Variants in C1QTNF3 observed in about 807,000 individuals in gnomAD.
C1QTNF3 encodes the protein complement C1q tumor necrosis factor-related protein 3.
Under a neutral mutation model 32.6 loss-of-function variants are expected in C1QTNF3, and 26 were observed. That is an observed-to-expected ratio of 0.80 (90% CI 0.58 to 1.11). C1QTNF3 has a LOEUF of 1.11. C1QTNF3 is among the 50% of genes least tolerant of loss of function. The probability of loss-of-function intolerance (pLI) is 0.00; values close to 1 mark genes in which losing one functional copy is unlikely to be tolerated. For synonymous variants in C1QTNF3, 155 were observed against 146.0 expected (o/e 1.06, Z -0.44); for missense variants, 362 against 398.2 (o/e 0.91, Z 0.77).
rs1158009722 is a variant in C1QTNF3 at position 34,018,951 on chromosome 5, AC to A, written c.*1631del. Among the ~76,000 whole-genome samples, 1 of 152,070 alleles carries A rather than the reference AC, an allele frequency of 6.6e-6. No homozygotes were observed. Among genetic ancestry groups the A allele is most frequent in the Non-Finnish European group, 1.5e-5 (1 of 68,018 alleles). The stretch of plus-strand genomic sequence containing the variant: ...AGACCGGCCTGGTCAACATGGTGAA[AC>A]CCCATCTCTATTAGAAACATTAAAA... On this transcript the variant is annotated 3_prime_UTR_variant, in exon 6 of 6. Coordinates refer to ENST00000382065, the MANE Select transcript of C1QTNF3 (RefSeq NM_181435.6).
the C1QTNF3 span, chr5:34,167,842 G>T: frequency 6.6e-6 from 1 of 152,116 alleles, no homozygotes; most frequent in Non-Finnish European, 1.5e-5. Flanking sequence ...AAAAATGTAT[G>T]TTAACCTTGT....
the C1QTNF3 span, among the ~76,000 whole-genome samples, chr5:34,228,978 C>T: frequency 8.6e-5 from 13 of 150,992 alleles, no homozygotes; most frequent in African/African-American, 2.2e-4. Flanking sequence ...TTTTTAACAT[C>T]GATTCCTAAA....
the C1QTNF3 span, among the ~76,000 whole-genome samples, chr5:34,056,479 T>TATATATAGAGAGAG: frequency 3.9e-5 from 2 of 51,772 alleles, no homozygotes; most frequent in Admixed American, 2.8e-4. Flanking sequence ...TATATATATA[T>TATATATAGAGAGAG]AGAGAGAGAG....
the C1QTNF3 span, among the ~76,000 whole-genome samples, chr5:34,154,716 A>G: frequency 2.0e-5 from 3 of 152,152 alleles, no homozygotes; most frequent in African/African-American, 7.2e-5. Context: ...AATTTGTATC[A>G]TCTGGAAGTA....
chr5:34,034,497 T>A (rs1210595062), intron 2 of C1QTNF3, among the ~76,000 whole-genome samples: 3 of 152,220 alleles, frequency 2.0e-5, no homozygotes, highest in African/African-American at 7.2e-5. Context: ...AAGAGACAAT[T>A]TCTACACCTC....
At chr5:34,235,694 T>C in the C1QTNF3 span, among the ~76,000 whole-genome samples, 67 of 151,728 alleles carry the variant, frequency 4.4e-4, no homozygotes, top group African/African-American at 1.6e-3. Context: ...TAGATGGTAG[T>C]TTCAATAATT....
chr5:34,214,030 C>T, the C1QTNF3 span, among the ~76,000 whole-genome samples: 1,343 of 149,458 alleles, frequency 9.0e-3, 13 homozygotes, highest in Non-Finnish European at 9.3e-3. Context: ...AGGCTGGTCT[C>T]GAACTCCTGA....
intron 1 of C1QTNF3, among the ~76,000 whole-genome samples, chr5:34,038,401 C>T (rs865842869): frequency 6.6e-6 from 1 of 152,062 alleles, no homozygotes; most frequent in South Asian, 2.1e-4. Flanking sequence ...TTAAGAAAGA[C>T]GTATTGGAAG....
rs1285664666 is a variant in C1QTNF3, at chr5:34,036,444, T to C, written c.304-686A>G. ...TAAGTACACAGTGTAAAATACTAAATTGAGCTAATTAACATATGTGTTGTC... is the reference window on the plus strand; with the variant it reads ...TAAGTACACAGTGTAAAATACTAAACTGAGCTAATTAACATATGTGTTGTC... On this transcript the variant is annotated intron_variant, in intron 1 of 5. Coordinates refer to ENST00000382065, the MANE Select transcript of C1QTNF3 (RefSeq NM_181435.6). Among the ~76,000 whole-genome samples, 4 of 152,310 alleles carry C rather than the reference T, an allele frequency of 2.6e-5. No individual in the cohort carries two copies. The East Asian group carries it at 5.8e-4, about 22-fold the overall frequency.
the C1QTNF3 span, among the ~76,000 whole-genome samples, chr5:34,133,745 A>G: frequency 6.6e-6 from 1 of 152,240 alleles, no homozygotes; most frequent in African/African-American, 2.4e-5. Flanking sequence ...ATTAATTAGA[A>G]TAATAATTGA....
the C1QTNF3 span, among the ~76,000 whole-genome samples, chr5:34,195,831 C>G: frequency 6.7e-6 from 1 of 150,278 alleles, no homozygotes; most frequent in African/African-American, 2.5e-5. Flanking sequence ...CAGAGCGAGA[C>G]TCTGTCTCAA....
chr5:34,094,621 T>C, the C1QTNF3 span, among the ~76,000 whole-genome samples: 1 of 151,954 alleles, frequency 6.6e-6, no homozygotes, highest in Admixed American at 6.6e-5. Flanking sequence ...CGTGTATTAA[T>C]ACATATTAGA....
chr5:34,142,642 T>C, the C1QTNF3 span, among the ~76,000 whole-genome samples: 2 of 152,212 alleles, frequency 1.3e-5, no homozygotes, highest in Admixed American at 1.3e-4. Flanking sequence ...TGTCATTTAG[T>C]GGATCACAGC....
chr5:34,020,728 C>T lies in C1QTNF3; in HGVS notation c.815G>A (p.Gly272Asp). ...VFSMYSYEMK[G>D]KSDTSSNHAV... ...ATGATTGCTGGATGTATCTGATTTG[C>T]CCTTCATTTCATAGCTGGAAAGAAA... The change falls in exon 6 of 6, where the codon GGC (glycine) becomes GAC (aspartate). Residue 272 changes from glycine to aspartate, a missense_variant. Transcript: ENST00000382065. 1.9e-6 allele frequency: 3 copies of T among 1,612,016 alleles called. No individual in the cohort carries two copies. Among genetic ancestry groups the T allele is most frequent in the Non-Finnish European group, 2.5e-6 (3 of 1,178,630 alleles).
the C1QTNF3 span, among the ~76,000 whole-genome samples, chr5:34,112,240 A>G: frequency 6.6e-6 from 1 of 152,180 alleles, no homozygotes; most frequent in African/African-American, 2.4e-5. Flanking sequence ...ACCAAGATGT[A>G]TTCTCTTCCA....
At chr5:34,230,131 C>T in the C1QTNF3 span, among the ~76,000 whole-genome samples, 1 of 152,146 alleles carries the variant, frequency 6.6e-6, no homozygotes, top group Non-Finnish European at 1.5e-5. Context: ...TTAAGTCACC[C>T]GGTCTATGGT....
chr5:34,155,969 C>T, the C1QTNF3 span, among the ~76,000 whole-genome samples: 1 of 152,180 alleles, frequency 6.6e-6, no homozygotes, highest in African/African-American at 2.4e-5. Flanking sequence ...TTTAATTTCT[C>T]TGACATTTGA....
Position 34,035,770 on chromosome 5 carries a change from G to A in C1QTNF3, c.304-12C>T. ...CCGGTTTGTGGAGACTAAAAAGACA[G>A]AAAGAGAAGCTTCAGAAAAAAAGGT... On this transcript the variant is annotated splice_polypyrimidine_tract_variant and intron_variant, in intron 1 of 5. Coordinates refer to ENST00000382065, the MANE Select transcript of C1QTNF3 (RefSeq NM_181435.6). 2.5e-6 allele frequency: 4 copies of A among 1,597,434 alleles called. No homozygotes were observed. Among genetic ancestry groups the A allele is most frequent in the Non-Finnish European group, 3.4e-6 (4 of 1,167,366 alleles).
the C1QTNF3 span, among the ~76,000 whole-genome samples, chr5:34,127,588 C>CT: frequency 0.036 from 5,091 of 141,148 alleles, 247 homozygotes; most frequent in African/African-American, 0.1. Context: ...TTTTCTTTTC[C>CT]TTTTTTTTTT....
Sources: gnomAD v4.1 joint callset for allele counts (sites outside exome capture counted in the v4.1 genomes callset) on GRCh38, gnomAD v4.1.1 for gene constraint, MANE v1.5 for transcripts, NCBI Gene and HGNC (gene_info 2026-07-23, HGNC 2026-07-21) for gene names.